The following ERLEC1 variants were observed in gnomAD, a reference collection of about 807,000 sequenced individuals.
ERLEC1 encodes the protein ER lectin.
In ERLEC1, 47 loss-of-function variants were observed where a neutral mutation model predicts 68.0. The ratio of observed to expected loss-of-function variants is 0.69; its 90% CI spans 0.55 to 0.88. The LOEUF (loss-of-function observed/expected upper bound fraction) is 0.88. Among genes scored for constraint, ERLEC1 ranks in the 40% least tolerant of loss-of-function variants. The probability of loss-of-function intolerance (pLI) is 0.00; values close to 1 mark genes in which losing one functional copy is unlikely to be tolerated. For missense variants in ERLEC1, 567 were observed against 583.8 expected (o/e 0.97, Z 0.30); for synonymous variants, 225 against 203.2 (o/e 1.11, Z -0.91).
intron 8 of ERLEC1, among the ~76,000 whole-genome samples, chr2:53,805,909 A>G (rs1676271879): frequency 6.6e-6 from 1 of 152,212 alleles, no homozygotes; most frequent in South Asian, 2.1e-4. Context: ...TGATGTTGAT[A>G]CTTAGTATCT....
At chr2:53,800,860 CG>C (rs1250453735) in intron 6 of ERLEC1, among the ~76,000 whole-genome samples, 2 of 151,786 alleles carry the variant, frequency 1.3e-5, no homozygotes, top group Non-Finnish European at 2.9e-5. Context: ...ATATTAAAAA[CG>C]GGGAAGAAGA....
At chr2:53,811,518 G>A (rs992093848) in intron 10 of ERLEC1, among the ~76,000 whole-genome samples, 3 of 152,148 alleles carry the variant, frequency 2.0e-5, no homozygotes, top group Admixed American at 6.5e-5. Flanking sequence ...AGGGAACTCT[G>A]TTAGGTGTTT....
chr2:53,808,222 A>C, intron 8 of ERLEC1, 77 bp from the exon 9 acceptor site: 1 of 1,492,930 alleles, frequency 6.7e-7, no homozygotes, highest in Non-Finnish European at 9.0e-7. Flanking sequence ...CAGTTTAAAA[A>C]TAATAACTTA....
rs751313723 is a variant in ERLEC1 at position 53,814,908 on chromosome 2, G to A, written c.1353G>A (p.Glu451=). ...SPHAVTVYML[E]PHSCQYILGV... Reference sequence around the variant, plus strand: ...ATGCTGTTACTGTATATATGCTAGAGCCTCACTCCTGTCAATATATTCTTG... The same window carrying A: ...ATGCTGTTACTGTATATATGCTAGAACCTCACTCCTGTCAATATATTCTTG... Residue 451 remains glutamate (E), a synonymous_variant, in exon 13 of 14, where the codon GAG becomes GAA. Coordinates refer to ENST00000185150, the MANE Select transcript of ERLEC1 (RefSeq NM_015701.5). 6.2e-7 allele frequency: 1 copy of A among 1,602,336 alleles called. No individual in the cohort carries two copies. Among genetic ancestry groups the A allele is most frequent in the Non-Finnish European group, 8.5e-7 (1 of 1,173,274 alleles).
intron 13 of ERLEC1, among the ~76,000 whole-genome samples, chr2:53,817,140 T>A (rs1185005149): frequency 2.9e-5 from 1 of 34,510 alleles, no homozygotes; most frequent in African/African-American, 1.4e-4. Flanking sequence ...ATTTACTTAT[T>A]TTTTTTTTTT....
intron 10 of ERLEC1, among the ~76,000 whole-genome samples, chr2:53,811,445 A>G (rs1365284535): frequency 1.3e-5 from 2 of 152,126 alleles, no homozygotes; most frequent in African/African-American, 2.4e-5. Context: ...ATTCCTATAC[A>G]CTTGCCAACA....
At chr2:53,796,079 A>G in intron 3 of ERLEC1, 66 bp downstream of exon 3, 1 of 1,104,098 alleles carries the variant, frequency 9.1e-7, no homozygotes, top group Non-Finnish European at 1.3e-6. Flanking sequence ...ACCTTTGAAA[A>G]TACCGTTTCT....
chr2:53,787,235 C>T lies in ERLEC1; in HGVS notation c.25C>T (p.Arg9Trp), dbSNP rs753758387. Residue 9 changes from arginine to tryptophan, a missense_variant, in exon 1 of 14, where the codon CGG becomes TGG. Physicochemically the swap from Arg to Trp is moderately radical, Grantham distance 101. Transcript: ENST00000185150. ...GATGGAGGAAGGAGGCGGCGGCGTA[C>T]GGAGTCTGGTCCCGGGCGGGCCGGT... MEEGGGGV[R>W]SLVPGGPVLL... 7 of 1,605,222 alleles carry T rather than the reference C, an allele frequency of 4.4e-6. No individual in the cohort carries two copies. Among genetic ancestry groups the T allele is most frequent in the African/African-American group, 1.3e-5 (1 of 74,888 alleles).
In ERLEC1 at chr2:53,801,597, C is replaced by G; in HGVS notation, c.726C>G (p.Leu242=). ...ATGAAGTTGTCATTTTGACACCACTCTTGTGCAGTCATCCTAAATATAGGT... is the reference window on the plus strand; with the variant it reads ...ATGAAGTTGTCATTTTGACACCACTGTTGTGCAGTCATCCTAAATATAGGT... The part of the protein sequence containing the change: ...CEYEVVILTP[L]LCSHPKYRFR... Residue 242 remains leucine, a synonymous_variant, in exon 7 of 14, where the codon CTC becomes CTG. Coordinates refer to ENST00000185150, the MANE Select transcript of ERLEC1 (RefSeq NM_015701.5). The G allele has an allele frequency of 1.9e-6, 3 of 1,613,886 alleles. No homozygotes were observed. The highest frequency in any genetic ancestry group is 2.2e-5 in the East Asian group (1 of 44,878).
intron 11 of ERLEC1, among the ~76,000 whole-genome samples, chr2:53,814,103 T>A (rs952020806): frequency 6.6e-6 from 1 of 152,246 alleles, no homozygotes; most frequent in Non-Finnish European, 1.5e-5. Context: ...TCATTTGAGA[T>A]TGACAGTTTG....
At position 53,814,900 on chromosome 2, in the gene ERLEC1, A is replaced by G; in HGVS notation, c.1345A>G (p.Met449Val). The change falls in exon 13 of 14, where the codon ATG becomes GTG. Residue 449 changes from methionine (M) to valine (V), a missense_variant. Transcript: ENST00000185150. ...SDSPHAVTVY[M>V]LEPHSCQYIL... ...TTCACCTCATGCTGTTACTGTATAT[A>G]TGCTAGAGCCTCACTCCTGTCAATA... 3 of 1,607,814 alleles carry G rather than the reference A, an allele frequency of 1.9e-6. No homozygotes were observed. Among genetic ancestry groups the G allele is most frequent in the Non-Finnish European group, 2.6e-6 (3 of 1,176,196 alleles).
chr2:53,811,037 G>GA (rs1333858852), intron 10 of ERLEC1, among the ~76,000 whole-genome samples: 2 of 151,664 alleles, frequency 1.3e-5, no homozygotes, highest in Admixed American at 6.6e-5. Flanking sequence ...CCTGCCACAA[G>GA]AAAAAAAATG....
At chr2:53,817,814 T>C (rs909381906) in intron 13 of ERLEC1, 84 bp from the exon 14 acceptor site, 5 of 747,472 alleles carry the variant, frequency 6.7e-6, no homozygotes, top group Non-Finnish European at 1.2e-5. Context: ...CTAGCAAATA[T>C]AACTACATGT....
At chr2:53,815,377 A>G (rs761930302) in intron 13 of ERLEC1, among the ~76,000 whole-genome samples, 2 of 152,142 alleles carry the variant, frequency 1.3e-5, no homozygotes, top group Non-Finnish European at 2.9e-5. Context: ...TATGGCCCAC[A>G]TACCACTCAT....
At chr2:53,796,602 C>T (rs564191708) in intron 3 of ERLEC1, among the ~76,000 whole-genome samples, 1 of 152,078 alleles carries the variant, frequency 6.6e-6, no homozygotes, top group African/African-American at 2.4e-5. Context: ...TGAGCACCAC[C>T]ATGCCCTGCT....
chr2:53,800,210 C>T (rs1675931251), intron 6 of ERLEC1, among the ~76,000 whole-genome samples: 1 of 152,030 alleles, frequency 6.6e-6, no homozygotes, highest in African/African-American at 2.4e-5. Flanking sequence ...ATTTTTTCCC[C>T]ATAGAAAACC....
chr2:53,812,066 C>T (rs140728516), intron 10 of ERLEC1, among the ~76,000 whole-genome samples: 205 of 152,236 alleles, frequency 1.3e-3, no homozygotes, highest in African/African-American at 4.6e-3. Flanking sequence ...TACAGGCATG[C>T]GCCAGCACGC....
intron 8 of ERLEC1, among the ~76,000 whole-genome samples, chr2:53,805,145 C>G (rs1296842191): frequency 6.6e-6 from 1 of 151,818 alleles, no homozygotes; most frequent in Non-Finnish European, 1.5e-5. Flanking sequence ...GCCTCAGCCT[C>G]CTGAGTAGCT....
At chr2:53,800,722 C>A (rs1675958988) in intron 6 of ERLEC1, among the ~76,000 whole-genome samples, 1 of 152,006 alleles carries the variant, frequency 6.6e-6, no homozygotes, top group South Asian at 2.1e-4. Flanking sequence ...GAGCTAACTT[C>A]TTAGTGATCT....
Sources: gnomAD v4.1 joint callset for allele counts (sites outside exome capture counted in the v4.1 genomes callset) on GRCh38, gnomAD v4.1.1 for gene constraint, MANE v1.5 for transcripts, NCBI Gene and HGNC (gene_info 2026-07-23, HGNC 2026-07-21) for gene names.